The following IMMP2L variants were observed in gnomAD, a reference collection of about 807,000 sequenced individuals.
IMMP2L encodes the protein mitochondrial inner membrane protease subunit 2.
IMMP2L carries 18 observed loss-of-function variants against 19.3 expected under a neutral mutation model. The ratio of observed to expected loss-of-function variants is 0.93; its 90% CI spans 0.64 to 1.38. The LOEUF (loss-of-function observed/expected upper bound fraction) is 1.38. IMMP2L is among the 40% of genes most tolerant of loss of function. IMMP2L has a pLI of 0.00. For synonymous variants in IMMP2L, 76 were observed against 73.0 expected, an observed-to-expected ratio of 1.04 and a Z score of -0.21; for missense variants, 233 against 218.2, an observed-to-expected ratio of 1.07 and a Z score of -0.43.
intron 2 of IMMP2L, among the ~76,000 whole-genome samples, chr7:111,496,609 C>T (rs1318389025): frequency 2.0e-5 from 3 of 152,176 alleles, no homozygotes; most frequent in Non-Finnish European, 4.4e-5. Context: ...CTCTCGCTCT[C>T]TCTCTCCTGA....
intron 3 of IMMP2L, among the ~76,000 whole-genome samples, chr7:111,178,604 A>C (rs1285166665): frequency 5.9e-5 from 9 of 152,102 alleles, no homozygotes; most frequent in Admixed American, 2.0e-4. Context: ...AGCAAAGTTT[A>C]TTAAATATTC....
chr7:111,135,744 G>A (rs1038316088), intron 3 of IMMP2L, among the ~76,000 whole-genome samples: 3 of 152,102 alleles, frequency 2.0e-5, no homozygotes, highest in Non-Finnish European at 2.9e-5. Flanking sequence ...AAAAAAGAAG[G>A]CCTCATATTC....
intron 3 of IMMP2L, among the ~76,000 whole-genome samples, chr7:111,289,585 G>A (rs1046385735): frequency 1.3e-4 from 20 of 152,012 alleles, no homozygotes; most frequent in Non-Finnish European, 2.5e-4. Context: ...TCTTTCTGTC[G>A]CTTCAAAGGG....
intron 3 of IMMP2L, among the ~76,000 whole-genome samples, chr7:111,219,868 A>T (rs528417590): frequency 6.6e-6 from 1 of 152,148 alleles, no homozygotes; most frequent in African/African-American, 2.4e-5. Context: ...ATCCATAAGC[A>T]AGAAAGTGAT....
chr7:111,140,547 T>G (rs1032144982), intron 3 of IMMP2L, among the ~76,000 whole-genome samples: 3 of 152,328 alleles, frequency 2.0e-5, no homozygotes, highest in Admixed American at 6.5e-5. Flanking sequence ...GAATAAACTT[T>G]GTAAAAACTG....
rs766697789 is a variant in IMMP2L at position 110,805,164 on chromosome 7, TAAAC to T, written c.408+81425_408+81428del. Among the ~76,000 whole-genome samples, 6 of 152,160 alleles carry T rather than the reference TAAAC, an allele frequency of 3.9e-5. 1 individual carries two copies. The South Asian group carries it at 8.3e-4, about 21-fold the overall frequency. Reference sequence around the variant, plus strand: ...TGACTCAAAAGTCCTACTGAATAAATAAACAAAGGTGCTCAAGAAGTGTTTCATC... The same window carrying T: ...TGACTCAAAAGTCCTACTGAATAAATAAAGGTGCTCAAGAAGTGTTTCATC... On this transcript the variant is annotated intron_variant, in intron 5 of 5. Coordinates refer to ENST00000405709, the MANE Select transcript of IMMP2L (RefSeq NM_032549.4).
chr7:111,384,311 GAA>G (rs1279972058), intron 3 of IMMP2L, among the ~76,000 whole-genome samples: 6 of 147,922 alleles, frequency 4.1e-5, no homozygotes, highest in African/African-American at 1.5e-4. Flanking sequence ...GAGGAGGAGG[GAA>G]AAGGAGAAGG....
chr7:110,928,958 G>A (rs6979133), intron 4 of IMMP2L, among the ~76,000 whole-genome samples: 1,726 of 152,070 alleles, frequency 0.011, 42 homozygotes, highest in African/African-American at 0.04. Context: ...ACAGTTTTCC[G>A]CTCCCTTTCA....
intron 3 of IMMP2L, among the ~76,000 whole-genome samples, chr7:111,055,212 C>CT (rs1793396943): frequency 6.6e-6 from 1 of 152,004 alleles, no homozygotes; most frequent in South Asian, 2.1e-4. Flanking sequence ...ACCACGTCCA[C>CT]TTTTTTTGTA....
chr7:111,076,107 T>C (rs573363998), intron 3 of IMMP2L, among the ~76,000 whole-genome samples: 1 of 152,220 alleles, frequency 6.6e-6, no homozygotes, highest in East Asian at 1.9e-4. Flanking sequence ...CCCCTCATGA[T>C]ATTGGTGGGG....
intron 3 of IMMP2L, among the ~76,000 whole-genome samples, chr7:111,468,475 C>T (rs1283568266): frequency 6.6e-6 from 1 of 151,948 alleles, no homozygotes; most frequent in African/African-American, 2.4e-5. Context: ...ATCAAGAAGC[C>T]TAAAATTTCA....
At position 111,214,328 on chromosome 7, in the gene IMMP2L, C is replaced by CTTTTTTT. The variant is rs1484229556; in HGVS notation, c.240-250764_240-250763insAAAAAAA. 1.4e-3 allele frequency among the ~76,000 whole-genome samples: 118 copies of CTTTTTTT among 85,102 alleles called. 18 individuals are homozygous for CTTTTTTT. The highest frequency in any genetic ancestry group is 2.2e-3 in the South Asian group (6 of 2,700). 55.8% of individuals were successfully genotyped at this position (85,102 alleles called of 152,430 possible). A position where few individuals can be genotyped will look rare whatever the true frequency, so the allele number is the denominator to read the frequency against. On this transcript the variant is annotated intron_variant, in intron 3 of 5. Coordinates refer to ENST00000405709, the MANE Select transcript of IMMP2L (RefSeq NM_032549.4). Reference sequence around the variant, plus strand: ...GTGAATGAATGACAAAGTAATTTTTCTTCTTTTTTTTTTTTTTTTTTTTTT... The same window carrying CTTTTTTT: ...GTGAATGAATGACAAAGTAATTTTTCTTTTTTTTTCTTTTTTTTTTTTTTTTTTTTTT...
chr7:111,076,209 C>T (rs1278805427), intron 3 of IMMP2L, among the ~76,000 whole-genome samples: 1 of 152,158 alleles, frequency 6.6e-6, no homozygotes, highest in African/African-American at 2.4e-5. Context: ...CCAATGTCTC[C>T]TGGCAGGCTG....
intron 3 of IMMP2L, among the ~76,000 whole-genome samples, chr7:111,372,822 G>A (rs967864976): frequency 4.6e-5 from 7 of 151,982 alleles, no homozygotes; most frequent in African/African-American, 1.4e-4. Context: ...AGAATAATAT[G>A]AGCAGTCATA....
chr7:111,207,543 T>G (rs1810851182), intron 3 of IMMP2L, among the ~76,000 whole-genome samples: 2 of 142,706 alleles, frequency 1.4e-5, no homozygotes, highest in Admixed American at 7.0e-5. Context: ...GGTTTTTTTT[T>G]TTTTTTTTTT....
chr7:111,259,692 G>A (rs6977327), intron 3 of IMMP2L, among the ~76,000 whole-genome samples: 3,361 of 151,786 alleles, frequency 0.022, 127 homozygotes, highest in African/African-American at 0.076. Flanking sequence ...TTAACTTACC[G>A]CATATTTTTA....
intron 4 of IMMP2L, among the ~76,000 whole-genome samples, chr7:110,917,607 G>A (rs1333218963): frequency 6.6e-6 from 1 of 152,150 alleles, no homozygotes; most frequent in East Asian, 1.9e-4. Context: ...AGGAAAGAAT[G>A]AAGAATATAA....
chr7:110,787,233 T>C (rs186849235), intron 5 of IMMP2L, among the ~76,000 whole-genome samples: 460 of 152,054 alleles, frequency 3.0e-3, no homozygotes, highest in Non-Finnish European at 5.3e-3. Context: ...ATACCCCCAG[T>C]GAAGTATTAA....
intron 3 of IMMP2L, among the ~76,000 whole-genome samples, chr7:111,410,043 C>T (rs775464825): frequency 1.3e-5 from 2 of 151,710 alleles, no homozygotes; most frequent in African/African-American, 2.4e-5. Context: ...ATAAAAAGAA[C>T]GCTATGCAGA....
Sources: allele counts gnomAD v4.1 joint callset (sites outside exome capture counted in the v4.1 genomes callset), GRCh38; gene constraint gnomAD v4.1.1; transcripts MANE v1.5; gene names NCBI Gene and HGNC (gene_info 2026-07-23, HGNC 2026-07-21).